Variants in RMDN2 observed in about 807,000 individuals in gnomAD.
RMDN2 encodes the protein regulator of microtubule dynamics 2.
Under a neutral mutation model 52.8 loss-of-function variants are expected in RMDN2, and 61 were observed. That is an observed-to-expected ratio of 1.16 (90% CI 0.94 to 1.43). The LOEUF (loss-of-function observed/expected upper bound fraction) is 1.43, where lower values mean the gene tolerates loss of function less well. RMDN2 is among the 40% of genes most tolerant of loss of function. The pLI is 0.00. For synonymous variants in RMDN2, 180 were observed against 153.1 expected (o/e 1.18, Z -1.30); for missense variants, 592 against 475.3 (o/e 1.25, Z -2.28).
intron 2 of RMDN2, among the ~76,000 whole-genome samples, chr2:37,943,685 A>C (rs1367270650): frequency 1.3e-5 from 2 of 152,208 alleles, no homozygotes; most frequent in Admixed American, 1.3e-4. Context: ...TGTATATTTC[A>C]TGAATCCTTC....
chr2:37,936,123 C>A (rs139165518), intron 2 of RMDN2, among the ~76,000 whole-genome samples: 17 of 152,270 alleles, frequency 1.1e-4, no homozygotes, highest in African/African-American at 3.6e-4. Flanking sequence ...TTGTTCAACT[C>A]CCAGTTATAG....
At chr2:37,941,942 C>CAAA (rs70949788) in intron 2 of RMDN2, among the ~76,000 whole-genome samples, 1 of 141,106 alleles carries the variant, frequency 7.1e-6, no homozygotes, top group Non-Finnish European at 1.5e-5. Context: ...ACTGGGGTAC[C>CAAA]AAAAAAAAAA....
chr2:38,065,371 A>C (rs2125311845), intron 10 of RMDN2, among the ~76,000 whole-genome samples: 1 of 152,170 alleles, frequency 6.6e-6, no homozygotes, highest in South Asian at 2.1e-4. Flanking sequence ...AATAGGAATA[A>C]ATTTTAAAAA....
chr2:37,952,155 T>C, intron 2 of RMDN2: 1 of 1,613,264 alleles, frequency 6.2e-7, no homozygotes, highest in South Asian at 1.1e-5. Flanking sequence ...TGCTGTCTTG[T>C]TTCAAGATGA....
intron 7 of RMDN2, among the ~76,000 whole-genome samples, chr2:37,993,979 A>C (rs1210913802): frequency 6.6e-6 from 1 of 152,234 alleles, no homozygotes; most frequent in Non-Finnish European, 1.5e-5. Context: ...TTTTAATTCA[A>C]AATGGACTCT....
At chr2:38,039,318 T>G (rs61193502) in intron 10 of RMDN2, 39,668 of 151,906 alleles carry the variant, frequency 0.26, 7,164 homozygotes, top group East Asian at 0.8. Flanking sequence ...CTCACACTTG[T>G]CTGGTCCCGA....
chr2:38,046,380 A>G (rs559948494), intron 10 of RMDN2, among the ~76,000 whole-genome samples: 22 of 152,308 alleles, frequency 1.4e-4, no homozygotes, highest in Admixed American at 1.2e-3. Flanking sequence ...AATAAGAACA[A>G]TAATAATAAT....
chr2:38,013,236 A>G (rs1169529997), intron 10 of RMDN2, among the ~76,000 whole-genome samples: 12 of 152,264 alleles, frequency 7.9e-5, no homozygotes, highest in Non-Finnish European at 1.5e-5. Context: ...GCCTGGAGGC[A>G]GTATTAAAGT....
chr2:37,980,634 C>A (rs1233156210), intron 4 of RMDN2, among the ~76,000 whole-genome samples: 1 of 152,140 alleles, frequency 6.6e-6, no homozygotes, highest in African/African-American at 2.4e-5. Context: ...TTAAAAATTC[C>A]TCTAAAACTA....
chr2:37,956,831 G>A (rs1027862996), intron 2 of RMDN2, among the ~76,000 whole-genome samples: 1 of 151,494 alleles, frequency 6.6e-6, no homozygotes, highest in Non-Finnish European at 1.5e-5. Context: ...ACAGCCCACA[G>A]TGTGTGATGT....
Position 37,929,848 on chromosome 2 carries a change from A to C in RMDN2, c.452+119A>C. ...CTGCTGCTCACATAAAATGAAAAGG[A>C]GTGATATTTTGACTTAGATTATAAT... On this transcript the variant is annotated intron_variant, in intron 2 of 10. Coordinates refer to ENST00000354545, the MANE Select transcript of RMDN2 (RefSeq NM_001170791.3). 4.5e-6 allele frequency: 3 copies of C among 666,084 alleles called. No homozygotes were observed. The South Asian group carries it at 7.5e-5, about 17-fold the overall frequency. 41.3% of individuals were successfully genotyped at this position (666,084 alleles called of 1,614,324 possible).
chr2:38,045,992 T>G (rs564651873), intron 10 of RMDN2, among the ~76,000 whole-genome samples: 12 of 152,298 alleles, frequency 7.9e-5, no homozygotes, highest in Non-Finnish European at 1.6e-4. Context: ...CCCAGAAATT[T>G]ATCAGGATGA....
At chr2:37,998,883 A>G (rs140373413) in intron 8 of RMDN2, among the ~76,000 whole-genome samples, 32 of 152,338 alleles carry the variant, frequency 2.1e-4, no homozygotes, top group African/African-American at 7.2e-4. Flanking sequence ...AATATAAGTG[A>G]AGGCTAAGAC....
intron 2 of RMDN2, among the ~76,000 whole-genome samples, chr2:37,970,164 C>T (rs1558489334): frequency 6.6e-6 from 1 of 152,230 alleles, no homozygotes; most frequent in East Asian, 1.9e-4. Context: ...GACTCCTGGG[C>T]TCAAGTGATC....
chr2:37,968,065 A>T (rs1160164811), intron 2 of RMDN2, among the ~76,000 whole-genome samples: 2 of 152,194 alleles, frequency 1.3e-5, no homozygotes, highest in Non-Finnish European at 2.9e-5. Context: ...TCTAGATGAC[A>T]TAAAATTTCA....
At chr2:37,942,520 G>T (rs1437659801) in intron 2 of RMDN2, among the ~76,000 whole-genome samples, 2 of 152,102 alleles carry the variant, frequency 1.3e-5, no homozygotes, top group Non-Finnish European at 2.9e-5. Context: ...TCCTTAAAGT[G>T]TACCAAGTTA....
intron 10 of RMDN2, among the ~76,000 whole-genome samples, chr2:38,047,130 TAAAC>T (rs1681322686): frequency 6.6e-6 from 1 of 152,170 alleles, no homozygotes; most frequent in South Asian, 2.1e-4. Flanking sequence ...CATTTTCAGA[TAAAC>T]AAAGACAGAG....
At position 38,017,692 on chromosome 2, in the gene RMDN2, G is replaced by A; in HGVS notation, c.*453G>A. On this transcript the variant is annotated 3_prime_UTR_variant, in exon 11 of 11. Coordinates refer to ENST00000354545, the MANE Select transcript of RMDN2 (RefSeq NM_001170791.3). ...AACAAACAAATGTAGTATTGTAACT[G>A]GTAATCAAAAGATGTGAATAAAATT... 2.1e-6 allele frequency: 1 copy of A among 481,702 alleles called. No individual in the cohort carries two copies. Among genetic ancestry groups the A allele is most frequent in the East Asian group, 8.7e-5 (1 of 11,454 alleles). 29.8% of individuals were successfully genotyped at this position (481,702 alleles called of 1,614,324 possible).
upstream of RMDN2, chr2:37,923,503 C>T (rs1666089880): frequency 6.6e-6 from 1 of 152,138 alleles, no homozygotes; most frequent in African/African-American, 2.4e-5. Flanking sequence ...CTGAAAAGCT[C>T]CTTTTAAGTA....
Sources: allele counts gnomAD v4.1 joint callset (sites outside exome capture counted in the v4.1 genomes callset), GRCh38; gene constraint gnomAD v4.1.1; transcripts MANE v1.5; gene names NCBI Gene and HGNC (gene_info 2026-07-23, HGNC 2026-07-21).